PSD3: variants seen among roughly 807,000 people sequenced by gnomAD.
PSD3 encodes the protein PH and SEC7 domain-containing protein 3.
In PSD3, 49 loss-of-function variants were observed where a neutral mutation model predicts 105.5. The observed-to-expected ratio is 0.46, with a 90% CI of 0.37 to 0.59. The LOEUF is 0.59. PSD3 is among the 20% of genes least tolerant of loss of function. The probability of loss-of-function intolerance (pLI) is 0.00; values close to 1 mark genes in which losing one functional copy is unlikely to be tolerated. For synonymous variants in PSD3, 557 were observed against 457.8 expected, an observed-to-expected ratio of 1.22 and a Z score of -2.77; for missense variants, 1,561 against 1,263.8, an observed-to-expected ratio of 1.24 and a Z score of -3.57.
chr8:18,595,763 T>C (rs906431260), intron 12 of PSD3, among the ~76,000 whole-genome samples: 2 of 151,996 alleles, frequency 1.3e-5, no homozygotes, highest in African/African-American at 4.8e-5. Context: ...CGTAAATATA[T>C]AGAGTAAACA....
intron 15 of PSD3, among the ~76,000 whole-genome samples, chr8:18,539,693 G>A (rs111312905): frequency 0.066 from 10,007 of 151,608 alleles, 720 homozygotes; most frequent in African/African-American, 0.17. Flanking sequence ...GACTGCAGGC[G>A]TGCACCACCA....
intron 1 of PSD3, among the ~76,000 whole-genome samples, chr8:19,062,440 G>C (rs1190254447): frequency 6.6e-6 from 1 of 152,154 alleles, no homozygotes; most frequent in Non-Finnish European, 1.5e-5. Context: ...CAGAAGAGTA[G>C]AGACTTGTTC....
At chr8:18,630,006 T>C (rs1806779250) in intron 11 of PSD3, among the ~76,000 whole-genome samples, 1 of 151,832 alleles carries the variant, frequency 6.6e-6, no homozygotes, top group South Asian at 2.1e-4. Flanking sequence ...CTCCTCCTGA[T>C]AGCCCCATGG....
intron 14 of PSD3, among the ~76,000 whole-genome samples, chr8:18,568,276 T>G (rs1045212018): frequency 2.0e-5 from 3 of 151,478 alleles, no homozygotes; most frequent in African/African-American, 7.3e-5. Flanking sequence ...TAAATCTTCA[T>G]GGAACCTTTT....
At chr8:18,803,462 T>C (rs568446728) in intron 6 of PSD3, among the ~76,000 whole-genome samples, 2 of 148,638 alleles carry the variant, frequency 1.3e-5, no homozygotes, top group African/African-American at 2.5e-5. Context: ...CTCAAAACAA[T>C]TGAAAACAGG....
At chr8:18,557,972 A>C (rs6981504) in intron 14 of PSD3, among the ~76,000 whole-genome samples, 1 of 152,118 alleles carries the variant, frequency 6.6e-6, no homozygotes, top group African/African-American at 2.4e-5. Context: ...AGAGTGGGGC[A>C]TATATCCAAT....
intron 3 of PSD3, among the ~76,000 whole-genome samples, chr8:18,870,122 T>C (rs34635619): frequency 0.2 from 31,006 of 151,964 alleles, 3,419 homozygotes; most frequent in African/African-American, 0.3. Flanking sequence ...ATCCTGCCAG[T>C]GATCCCAAAG....
At chr8:18,595,226 CAAA>C (rs1225838444) in intron 12 of PSD3, among the ~76,000 whole-genome samples, 34 of 69,412 alleles carry the variant, frequency 4.9e-4, no homozygotes, top group Non-Finnish European at 8.1e-4. Flanking sequence ...AACAAACAAA[CAAA>C]AAAAACCCTA....
chr8:18,665,180 G>C (rs1799378902), intron 9 of PSD3, among the ~76,000 whole-genome samples: 1 of 152,224 alleles, frequency 6.6e-6, no homozygotes, highest in Non-Finnish European at 1.5e-5. Context: ...CGATTCCTCT[G>C]ATGGATATGG....
rs1321729836 is a variant in PSD3 at position 18,907,522 on chromosome 8, T to A, written c.130+28512A>T. Among the ~76,000 whole-genome samples the A allele has an allele frequency of 2.0e-5, 3 of 152,300 alleles. No individual in the cohort carries two copies. The South Asian group carries it at 6.2e-4, about 32-fold the overall frequency. ...TTATTGTACCTTTTAAATGTTTAGA[T>A]ATGTTTTGACATACAAATACTTACC... On this transcript the variant is annotated intron_variant, in intron 2 of 15. Transcript: ENST00000327040.
intron 9 of PSD3, among the ~76,000 whole-genome samples, chr8:18,671,980 T>C (rs1227324420): frequency 1.3e-5 from 2 of 152,194 alleles, no homozygotes; most frequent in African/African-American, 2.4e-5. Context: ...CTGTAATTTA[T>C]CAATTTATCA....
intron 1 of PSD3, among the ~76,000 whole-genome samples, chr8:19,044,444 TC>T (rs1275025434): frequency 6.6e-6 from 1 of 152,208 alleles, no homozygotes; most frequent in African/African-American, 2.4e-5. Context: ...AATCACTCTA[TC>T]TTTAAGCCCA....
chr8:18,884,474 T>C (rs1393370974), intron 2 of PSD3, among the ~76,000 whole-genome samples: 2 of 152,202 alleles, frequency 1.3e-5, no homozygotes, highest in East Asian at 1.9e-4. Flanking sequence ...ATGAGTAATC[T>C]AAATACATTA....
chr8:19,015,161 A>G (rs545352020), upstream of PSD3, among the ~76,000 whole-genome samples: 20 of 152,274 alleles, frequency 1.3e-4, no homozygotes, highest in Admixed American at 1.1e-3. Context: ...TGTTCTCGTC[A>G]TAGTGAATGA....
At chr8:18,891,688 C>G (rs538252370) in intron 2 of PSD3, among the ~76,000 whole-genome samples, 53 of 151,648 alleles carry the variant, frequency 3.5e-4, no homozygotes, top group Non-Finnish European at 6.9e-4. Context: ...CTCTTTTTAC[C>G]CTGTTTTAGT....
At chr8:18,830,990 C>A (rs1464331132) in intron 4 of PSD3, among the ~76,000 whole-genome samples, 2 of 151,280 alleles carry the variant, frequency 1.3e-5, no homozygotes, top group African/African-American at 4.9e-5. Context: ...GACTGCCTAT[C>A]CAGAAAGCGA....
rs117476357 is a variant in PSD3 at position 18,590,506 on chromosome 8, T to C, written c.2481+9858A>G. Among the ~76,000 whole-genome samples, 1,154 of 152,326 alleles carry C rather than the reference T, an allele frequency of 7.6e-3. 7 individuals are homozygous for C. Among genetic ancestry groups the C allele is most frequent in the Admixed American group, 0.012 (180 of 15,294 alleles). On this transcript the variant is annotated intron_variant, in intron 12 of 15. Coordinates refer to ENST00000327040, the MANE Select transcript of PSD3 (RefSeq NM_015310.4). Reference sequence around the variant, plus strand: ...GTCAATAATACACTGAAAACAGACATGTTGTCACAAACTTCTGTAAGGAAT... The same window carrying C: ...GTCAATAATACACTGAAAACAGACACGTTGTCACAAACTTCTGTAAGGAAT...
rs189496136 is a variant in PSD3 at position 18,722,840 on chromosome 8, A to C, written c.2172+42609T>G. On this transcript the variant is annotated intron_variant, in intron 9 of 15. Transcript: ENST00000327040. ...CACTCCCAAGGAGCATTACTGGAGT[A>C]CAATATGCCCTCCAAACTCTAATTT... Among the ~76,000 whole-genome samples the C allele has an allele frequency of 2.6e-5, 4 of 152,332 alleles. 1 individual carries two copies. In the East Asian group the frequency reaches 7.7e-4, roughly 29 times the overall value.
At chr8:18,969,677 A>G (rs79498978) in intron 1 of PSD3, among the ~76,000 whole-genome samples, 1 of 152,224 alleles carries the variant, frequency 6.6e-6, no homozygotes, top group Admixed American at 6.5e-5. Context: ...GGGATGTTTC[A>G]TAACTATTAG....
Sources: gnomAD v4.1 joint callset for allele counts (sites outside exome capture counted in the v4.1 genomes callset) on GRCh38, gnomAD v4.1.1 for gene constraint, MANE v1.5 for transcripts, NCBI Gene and HGNC (gene_info 2026-07-23, HGNC 2026-07-21) for gene names.